The following SHISAL1 variants were observed in gnomAD, a reference collection of about 807,000 sequenced individuals.
The protein encoded by SHISAL1 is protein shisa-like-1.
In SHISAL1, 9 loss-of-function variants were observed where a neutral mutation model predicts 22.6. The observed-to-expected ratio is 0.40, with a 90% confidence interval of 0.24 to 0.70. The LOEUF (loss-of-function observed/expected upper bound fraction) is 0.70, where lower values mean the gene tolerates loss of function less well. Ranked by LOEUF, SHISAL1 falls within the 30% of genes least tolerant of loss-of-function variation. The pLI is 0.39. For missense variants in SHISAL1, 246 were observed against 270.6 expected, an observed-to-expected ratio of 0.91 and a Z score of 0.64; for synonymous variants, 119 against 115.4, an observed-to-expected ratio of 1.03 and a Z score of -0.20.
intron 4 of SHISAL1, among the ~76,000 whole-genome samples, chr22:44,257,320 C>T (rs1398906197): frequency 6.6e-6 from 1 of 152,164 alleles, no homozygotes; most frequent in Non-Finnish European, 1.5e-5. Flanking sequence ...CAGCAGGATG[C>T]CAGGTCAAAA....
At chr22:44,290,059 C>T (rs766562600) in intron 3 of SHISAL1, among the ~76,000 whole-genome samples, 1 of 152,196 alleles carries the variant, frequency 6.6e-6, no homozygotes, top group Admixed American at 6.5e-5. Context: ...GGAGCAGATC[C>T]GTCAGCAGGA....
In SHISAL1 at chr22:44,296,609, G is replaced by A. The variant is rs1180479300; in HGVS notation, c.281+63C>T. On this transcript the variant is annotated intron_variant, in intron 3 of 4. Coordinates refer to ENST00000381176, the MANE Select transcript of SHISAL1 (RefSeq NM_001099294.2). Reference sequence around the variant, plus strand: ...CCGCCTCCCTAGGGGACGCGATTTTGGGAGGCAGGCCCCTTGCCTGGGGCC... The same window carrying A: ...CCGCCTCCCTAGGGGACGCGATTTTAGGAGGCAGGCCCCTTGCCTGGGGCC... The A allele has an allele frequency of 2.0e-6, 3 of 1,489,240 alleles. No homozygotes were observed. In the African/African-American group the frequency reaches 4.2e-5, roughly 21 times the overall value. 92.3% of individuals were successfully genotyped at this position (1,489,240 alleles called of 1,614,324 possible). A position where few individuals can be genotyped will look rare whatever the true frequency, so the allele number is the denominator to read the frequency against.
chr22:44,249,724 C>T (rs1289729140), intron 4 of SHISAL1, 39 bp from the exon 5 acceptor site: 1 of 778,540 alleles, frequency 1.3e-6, no homozygotes, highest in African/African-American at 1.7e-5. Context: ...CACATGGTGT[C>T]TCCTCCATGG....
intron 4 of SHISAL1, among the ~76,000 whole-genome samples, chr22:44,276,566 G>A (rs1269406844): frequency 6.6e-6 from 1 of 151,882 alleles, no homozygotes; most frequent in African/African-American, 2.4e-5. Flanking sequence ...GGAGGGGTGG[G>A]TATGGGGTGG....
chr22:44,247,242 CCT>C lies in SHISAL1; in HGVS notation c.*2441_*2442del, dbSNP rs1487005175. 6.6e-6 allele frequency: 1 copy of C among 152,196 alleles called. No homozygotes were observed. Among genetic ancestry groups the C allele is most frequent in the Non-Finnish European group, 1.5e-5 (1 of 68,062 alleles). The allele number at this position is 152,196 out of a possible 1,614,324, so 9.4% of individuals were successfully genotyped here. On this transcript the variant is annotated 3_prime_UTR_variant, in exon 5 of 5. Transcript: ENST00000381176. The stretch of plus-strand genomic sequence containing the variant: ...TCCTTAAATACCCATCTGACTCCTT[CCT>C]CTTACCGATGGGGAAACTGAGGTAA...
At chr22:44,274,050 C>CCCCCCCCT (rs1331522634) in intron 4 of SHISAL1, among the ~76,000 whole-genome samples, 3 of 123,028 alleles carry the variant, frequency 2.4e-5, no homozygotes, top group African/African-American at 9.4e-5. Context: ...AACCTCCCGG[C>CCCCCCCCT]CCCCCCCTCC....
intron 4 of SHISAL1, among the ~76,000 whole-genome samples, chr22:44,283,966 C>T (rs2055293918): frequency 6.6e-6 from 1 of 152,000 alleles, no homozygotes; most frequent in South Asian, 2.1e-4. Context: ...CCCCACTGCT[C>T]AAGGGTGGAG....
chr22:44,282,297 G>C (rs2055282119), intron 4 of SHISAL1, among the ~76,000 whole-genome samples: 1 of 152,240 alleles, frequency 6.6e-6, no homozygotes, highest in African/African-American at 2.4e-5. Flanking sequence ...TGGGAGCCAG[G>C]GGCAGGGAAC....
intron 3 of SHISAL1, among the ~76,000 whole-genome samples, chr22:44,290,033 G>A (rs750778182): frequency 7.9e-5 from 12 of 152,332 alleles, no homozygotes; most frequent in Non-Finnish European, 1.5e-4. Flanking sequence ...CTCACTGAAC[G>A]TCTTCCCGGG....
intron 2 of SHISAL1, among the ~76,000 whole-genome samples, chr22:44,297,378 T>C (rs1396193076): frequency 6.6e-6 from 1 of 152,258 alleles, no homozygotes. Context: ...CTTGTATCAC[T>C]AGCTCTTTGT....
At chr22:44,294,279 G>A (rs1040434760) in intron 3 of SHISAL1, among the ~76,000 whole-genome samples, 6 of 152,166 alleles carry the variant, frequency 3.9e-5, no homozygotes, top group Admixed American at 2.6e-4. Flanking sequence ...GGAAGCACCC[G>A]TGCATTTGAG....
chr22:44,302,461 C>T (rs1412154113), intron 1 of SHISAL1, among the ~76,000 whole-genome samples: 1 of 151,924 alleles, frequency 6.6e-6, no homozygotes, highest in Non-Finnish European at 1.5e-5. Flanking sequence ...CAAGGCGTGT[C>T]TGGGGAGTGG....
chr22:44,249,947 C>T (rs1445893531), intron 4 of SHISAL1, among the ~76,000 whole-genome samples: 1 of 152,056 alleles, frequency 6.6e-6, no homozygotes, highest in Non-Finnish European at 1.5e-5. Context: ...ATAGAAGAAC[C>T]AAAATTACAG....
intron 1 of SHISAL1, among the ~76,000 whole-genome samples, chr22:44,309,704 G>A (rs2055504731): frequency 6.6e-6 from 1 of 152,172 alleles, no homozygotes; most frequent in African/African-American, 2.4e-5. Context: ...GTACACACGT[G>A]TGCACATATG....
intron 4 of SHISAL1, among the ~76,000 whole-genome samples, chr22:44,267,236 G>A (rs990879440): frequency 3.3e-5 from 5 of 152,060 alleles, no homozygotes; most frequent in African/African-American, 1.2e-4. Context: ...TGCCACAGGT[G>A]GGAGCGCCTC....
At chr22:44,251,251 T>C (rs1175312315) in intron 4 of SHISAL1, among the ~76,000 whole-genome samples, 1 of 152,216 alleles carries the variant, frequency 6.6e-6, no homozygotes, top group Non-Finnish European at 1.5e-5. Flanking sequence ...AGGGGCTTAA[T>C]AAATATTTGT....
chr22:44,291,210 C>T (rs1033094803), intron 3 of SHISAL1, among the ~76,000 whole-genome samples: 3 of 152,232 alleles, frequency 2.0e-5, no homozygotes, highest in Non-Finnish European at 4.4e-5. Context: ...GCTGCTTCTA[C>T]GGCCTTGTCA....
chr22:44,298,787 G>A (rs1047563383), intron 2 of SHISAL1, among the ~76,000 whole-genome samples: 3 of 152,308 alleles, frequency 2.0e-5, no homozygotes, highest in African/African-American at 7.2e-5. Context: ...GGGCAGGCCC[G>A]GCGAGGTTGG....
intron 1 of SHISAL1, among the ~76,000 whole-genome samples, chr22:44,304,810 G>A (rs1361277793): frequency 6.6e-6 from 1 of 152,116 alleles, no homozygotes; most frequent in Non-Finnish European, 1.5e-5. Context: ...GGAAGCTGAG[G>A]CCCAATAAGA....
Sources: gnomAD v4.1 joint callset for allele counts (sites outside exome capture counted in the v4.1 genomes callset) on GRCh38, gnomAD v4.1.1 for gene constraint, MANE v1.5 for transcripts, NCBI Gene and HGNC (gene_info 2026-07-23, HGNC 2026-07-21) for gene names.